Variants in ROBO2 observed in about 807,000 individuals in gnomAD.
ROBO2 encodes the protein roundabout homolog 2.
In ROBO2, 53 loss-of-function variants were observed where a neutral mutation model predicts 160.8. That is an observed-to-expected ratio of 0.33 (90% CI 0.26 to 0.41). ROBO2 has a LOEUF of 0.41. Ranked by LOEUF, ROBO2 falls within the 10% of genes least tolerant of loss-of-function variation. The pLI is 1.00. For missense variants in ROBO2, 1,577 were observed against 1,722.4 expected (o/e 0.92, Z 1.49); for synonymous variants, 664 against 611.7 (o/e 1.09, Z -1.26).
intron 2 of ROBO2, among the ~76,000 whole-genome samples, chr3:76,361,010 G>A (rs904932857): frequency 2.6e-5 from 4 of 151,868 alleles, no homozygotes; most frequent in Admixed American, 6.6e-5. Flanking sequence ...TAGTTAAGTC[G>A]TTACTGTGCA....
chr3:76,075,226 T>C (rs1167892567), intron 2 of ROBO2, among the ~76,000 whole-genome samples: 1 of 151,884 alleles, frequency 6.6e-6, no homozygotes, highest in Non-Finnish European at 1.5e-5. Flanking sequence ...CAGTATCTAC[T>C]ATCCACTATA....
At chr3:76,230,942 G>A (rs960075009) in intron 2 of ROBO2, among the ~76,000 whole-genome samples, 1 of 152,106 alleles carries the variant, frequency 6.6e-6, no homozygotes, top group Non-Finnish European at 1.5e-5. Flanking sequence ...AGAGATCAGG[G>A]TAATGAATCT....
At chr3:76,043,807 C>G (rs1267596580) in intron 2 of ROBO2, among the ~76,000 whole-genome samples, 1 of 151,820 alleles carries the variant, frequency 6.6e-6, no homozygotes, top group Non-Finnish European at 1.5e-5. Flanking sequence ...TATCAAGGAG[C>G]AAATGGCCTC....
intron 2 of ROBO2, among the ~76,000 whole-genome samples, chr3:76,457,040 A>G (rs573122988): frequency 2.0e-5 from 3 of 152,290 alleles, no homozygotes; most frequent in African/African-American, 7.2e-5. Context: ...TGGTGGAGAC[A>G]CAGCCAAACC....
At chr3:76,051,826 A>C (rs1294958829) in intron 2 of ROBO2, among the ~76,000 whole-genome samples, 1 of 149,802 alleles carries the variant, frequency 6.7e-6, no homozygotes, top group East Asian at 2.1e-4. Flanking sequence ...TAAATTATAT[A>C]CCTCTGAAGC....
chr3:76,715,151 G>A (rs924318647), intron 2 of ROBO2, among the ~76,000 whole-genome samples: 4 of 151,976 alleles, frequency 2.6e-5, no homozygotes, highest in African/African-American at 7.2e-5. Context: ...CTTCCATCTC[G>A]TAAATAATTA....
intron 2 of ROBO2, among the ~76,000 whole-genome samples, chr3:77,289,278 C>G (rs1438818157): frequency 6.6e-6 from 1 of 152,056 alleles, no homozygotes; most frequent in African/African-American, 2.4e-5. Flanking sequence ...TTGAGAAAGA[C>G]ATAAAGTAAA....
chr3:77,160,763 A>G (rs2078416808), intron 2 of ROBO2, among the ~76,000 whole-genome samples: 1 of 152,158 alleles, frequency 6.6e-6, no homozygotes, highest in African/African-American at 2.4e-5. Flanking sequence ...CTGAGCATGT[A>G]ATTACTGCAG....
In ROBO2 at chr3:76,870,743, C is replaced by T. The variant is rs529327964; in HGVS notation, c.110-227271C>T. 3.9e-5 allele frequency among the ~76,000 whole-genome samples: 6 copies of T among 152,160 alleles called. No homozygotes were observed. In the East Asian group the frequency reaches 1.2e-3, roughly 29 times the overall value. On this transcript the variant is annotated intron_variant, in intron 2 of 26. Transcript: ENST00000487694. ...ATCACCCACCTTTCTGATTGGAGTTCCTTTTTATTTTCTTTTTTGGTGAAG... is the reference window on the plus strand; with the variant it reads ...ATCACCCACCTTTCTGATTGGAGTTTCTTTTTATTTTCTTTTTTGGTGAAG...
intron 2 of ROBO2, among the ~76,000 whole-genome samples, chr3:77,100,165 T>G (rs1010634771): frequency 3.9e-5 from 6 of 152,052 alleles, no homozygotes; most frequent in South Asian, 2.1e-4. Context: ...ACCATGATTT[T>G]TGTGTGTGTG....
chr3:77,306,402 C>A (rs546340856), intron 2 of ROBO2, among the ~76,000 whole-genome samples: 1 of 151,962 alleles, frequency 6.6e-6, no homozygotes, highest in African/African-American at 2.4e-5. Flanking sequence ...GGCAAAGCAA[C>A]GCAAATGTAT....
In ROBO2 at chr3:77,543,494, G is replaced by A. The variant is rs531029808; in HGVS notation, c.935-2844G>A. ...ATATTTTAGCAGTGGTGTTAAAATCGTATTATCTGGATGCCAAAAGCATTT... is the reference window on the plus strand; with the variant it reads ...ATATTTTAGCAGTGGTGTTAAAATCATATTATCTGGATGCCAAAAGCATTT... On this transcript the variant is annotated intron_variant, in intron 6 of 25. Transcript: ENST00000461745. Among the ~76,000 whole-genome samples, 6 of 152,136 alleles carry A rather than the reference G, an allele frequency of 3.9e-5. No individual in the cohort carries two copies. In the South Asian group the frequency reaches 6.2e-4, roughly 16 times the overall value.
At chr3:76,082,609 C>T (rs2068871548) in intron 2 of ROBO2, among the ~76,000 whole-genome samples, 1 of 152,020 alleles carries the variant, frequency 6.6e-6, no homozygotes, top group Non-Finnish European at 1.5e-5. Context: ...TTTGTCTTTA[C>T]CTCCTTCAAG....
At position 76,033,784 on chromosome 3, in the gene ROBO2, G is replaced by A. The variant is rs572240470; in HGVS notation, c.109+96182G>A. ...TTGGCCTCATTCACACGTGTGGCAT[G>A]GGTACTTGCTGTTGTCTGGAACACC... On this transcript the variant is annotated intron_variant, in intron 2 of 26. Transcript: ENST00000487694. 4.6e-5 allele frequency among the ~76,000 whole-genome samples: 7 copies of A among 152,226 alleles called. No homozygotes were observed. The East Asian group carries it at 1.4e-3, about 29-fold the overall frequency.
intron 2 of ROBO2, among the ~76,000 whole-genome samples, chr3:76,165,727 A>G (rs1358523298): frequency 1.3e-5 from 2 of 152,112 alleles, no homozygotes; most frequent in African/African-American, 4.8e-5. Flanking sequence ...CATAGAGACC[A>G]TTATAGGGTT....
intron 2 of ROBO2, among the ~76,000 whole-genome samples, chr3:75,982,623 A>G (rs1417598444): frequency 6.6e-6 from 1 of 151,470 alleles, no homozygotes; most frequent in Non-Finnish European, 1.5e-5. Context: ...AGTAGAAGAA[A>G]ATAAGTCCCA....
rs1265985339 is a variant in ROBO2, at chr3:76,037,549, A to G, written c.109+99947A>G. ...GGATTCGCATGTTCATTTTCCAATCACTATTTATGCATTCTTCAATCATAC... is the reference window on the plus strand; with the variant it reads ...GGATTCGCATGTTCATTTTCCAATCGCTATTTATGCATTCTTCAATCATAC... On this transcript the variant is annotated intron_variant, in intron 2 of 26. Transcript: ENST00000487694. Among the ~76,000 whole-genome samples the G allele has an allele frequency of 2.0e-5, 3 of 151,672 alleles. No homozygotes were observed. In the East Asian group the frequency reaches 5.8e-4, roughly 29 times the overall value.
At chr3:77,617,623 G>A (rs879171329) in exon 22 of ROBO2, 1 of 1,614,128 alleles carries the variant, frequency 6.2e-7, no homozygotes, top group South Asian at 1.1e-5. Flanking sequence ...CCTCCTGTTC[G>A]AGGCGTGGCT....
At chr3:76,868,725 G>A (rs1399015494) in intron 2 of ROBO2, among the ~76,000 whole-genome samples, 5 of 152,062 alleles carry the variant, frequency 3.3e-5, no homozygotes, top group African/African-American at 1.2e-4. Flanking sequence ...ATGTCATATT[G>A]TGCTTATGAA....
Sources: allele counts gnomAD v4.1 joint callset (sites outside exome capture counted in the v4.1 genomes callset), GRCh38; gene constraint gnomAD v4.1.1; transcripts MANE v1.5; gene names NCBI Gene and HGNC (gene_info 2026-07-23, HGNC 2026-07-21).